The following RBFOX1 variants were observed in gnomAD, a reference collection of about 807,000 sequenced individuals.
RBFOX1 encodes RNA binding fox-1 homolog 1.
RBFOX1 carries 8 observed loss-of-function variants against 57.7 expected under a neutral mutation model. The observed-to-expected ratio is 0.14, with a 90% CI of 0.08 to 0.25. RBFOX1 has a LOEUF of 0.25. Ranked by LOEUF, RBFOX1 falls within the 10% of genes least tolerant of loss-of-function variation. The pLI, the probability that RBFOX1 is intolerant of heterozygous loss-of-function variation, is 1.00. For missense variants in RBFOX1, 611 were observed against 548.5 expected, an observed-to-expected ratio of 1.11 and a Z score of -1.14; for synonymous variants, 326 against 222.4, an observed-to-expected ratio of 1.47 and a Z score of -4.15.
intron 4 of RBFOX1, among the ~76,000 whole-genome samples, chr16:5,869,157 G>A (rs769417291): frequency 6.6e-6 from 1 of 152,028 alleles, no homozygotes; most frequent in Non-Finnish European, 1.5e-5. Flanking sequence ...TTATGGCCTG[G>A]TAAACAGTGG....
At chr16:5,546,465 G>T (rs185396697) in intron 2 of RBFOX1, among the ~76,000 whole-genome samples, 14 of 152,300 alleles carry the variant, frequency 9.2e-5, no homozygotes, top group East Asian at 1.9e-4. Context: ...TTGACATCAA[G>T]GTAGATACTT....
At chr16:5,242,865 T>C (rs1352504112) in intron 1 of RBFOX1, among the ~76,000 whole-genome samples, 2 of 151,964 alleles carry the variant, frequency 1.3e-5, no homozygotes, top group Non-Finnish European at 2.9e-5. Flanking sequence ...TGTGGTTGGG[T>C]GGCAAGGGGT....
intron 3 of RBFOX1, among the ~76,000 whole-genome samples, chr16:6,997,134 C>A (rs1020310104): frequency 6.6e-6 from 1 of 152,158 alleles, no homozygotes; most frequent in Admixed American, 6.5e-5. Context: ...TTACAACTCT[C>A]AATAGTTGTC....
intron 3 of RBFOX1, among the ~76,000 whole-genome samples, chr16:6,937,813 A>C (rs999343289): frequency 6.6e-6 from 1 of 151,780 alleles, no homozygotes; most frequent in East Asian, 1.9e-4. Context: ...TTAGATTGCA[A>C]ATGTTTCTTT....
chr16:5,918,778 G>C (rs1040444600), intron 4 of RBFOX1, among the ~76,000 whole-genome samples: 3 of 152,216 alleles, frequency 2.0e-5, no homozygotes, highest in Non-Finnish European at 2.9e-5. Flanking sequence ...ACAGTCAAGG[G>C]AGGAGCGACT....
chr16:6,953,219 G>C (rs746800678), intron 3 of RBFOX1, among the ~76,000 whole-genome samples: 6 of 152,062 alleles, frequency 3.9e-5, no homozygotes, highest in Non-Finnish European at 7.3e-5. Flanking sequence ...GGTGCTCTCA[G>C]ACCTGTTACC....
chr16:7,694,472 C>T (rs190212788), intron 14 of RBFOX1, among the ~76,000 whole-genome samples: 3 of 152,336 alleles, frequency 2.0e-5, no homozygotes, highest in Admixed American at 2.0e-4. Flanking sequence ...TTTATATGGT[C>T]AGCCTCAACC....
chr16:6,456,725 G>A (rs548412887), intron 2 of RBFOX1, among the ~76,000 whole-genome samples: 1 of 152,268 alleles, frequency 6.6e-6, no homozygotes, highest in East Asian at 1.9e-4. Flanking sequence ...TGGGAATGAA[G>A]ACAACTGAAT....
intron 2 of RBFOX1, among the ~76,000 whole-genome samples, chr16:5,561,237 T>C (rs1313415929): frequency 6.6e-6 from 1 of 152,000 alleles, no homozygotes; most frequent in African/African-American, 2.4e-5. Flanking sequence ...CAGACTCTAT[T>C]ATGGCCCATG....
intron 1 of RBFOX1, among the ~76,000 whole-genome samples, chr16:6,256,089 A>G (rs141929282): frequency 0.015 from 2,173 of 146,168 alleles, 35 homozygotes; most frequent in Non-Finnish European, 0.025. Flanking sequence ...AAATGAAAGT[A>G]GGATCATTTC....
At chr16:7,456,478 C>G (rs2058534085) in intron 4 of RBFOX1, among the ~76,000 whole-genome samples, 1 of 152,228 alleles carries the variant, frequency 6.6e-6, no homozygotes, top group African/African-American at 2.4e-5. Context: ...ACGTGCCTCT[C>G]CAACTCCCAG....
At chr16:5,975,632 G>C (rs1178080719) in intron 4 of RBFOX1, among the ~76,000 whole-genome samples, 1 of 152,104 alleles carries the variant, frequency 6.6e-6, no homozygotes, top group African/African-American at 2.4e-5. Flanking sequence ...TCTGTGATCA[G>C]TTCTGGAGTA....
At chr16:6,865,708 A>G (rs1459729190) in intron 3 of RBFOX1, among the ~76,000 whole-genome samples, 1 of 152,054 alleles carries the variant, frequency 6.6e-6, no homozygotes, top group Non-Finnish European at 1.5e-5. Flanking sequence ...TTACCTTCTC[A>G]TTTTGCCTCT....
At chr16:5,353,046 G>A (rs2065298984) in intron 1 of RBFOX1, among the ~76,000 whole-genome samples, 1 of 152,196 alleles carries the variant, frequency 6.6e-6, no homozygotes, top group Non-Finnish European at 1.5e-5. Context: ...GTTGAGAGAT[G>A]AAACGTTGCA....
At chr16:6,741,737 T>C (rs1484164842) in intron 3 of RBFOX1, among the ~76,000 whole-genome samples, 1 of 151,796 alleles carries the variant, frequency 6.6e-6, no homozygotes, top group African/African-American at 2.4e-5. Context: ...AGAAAAGCTA[T>C]AATGTGGAAG....
chr16:6,179,244 C>T (rs1209443808), intron 1 of RBFOX1, among the ~76,000 whole-genome samples: 1 of 152,066 alleles, frequency 6.6e-6, no homozygotes, highest in African/African-American at 2.4e-5. Flanking sequence ...GCCGAGGGTC[C>T]CAGGCTCTGT....
intron 2 of RBFOX1, chr16:5,467,277 C>A: frequency 6.8e-7 from 1 of 1,473,892 alleles, no homozygotes; most frequent in Middle Eastern, 1.7e-4. Flanking sequence ...TTTGTCCTGA[C>A]TTAGGATGTC....
At chr16:7,168,817 A>G (rs2080097449) in intron 4 of RBFOX1, among the ~76,000 whole-genome samples, 1 of 152,208 alleles carries the variant, frequency 6.6e-6, no homozygotes, top group African/African-American at 2.4e-5. Flanking sequence ...ATTCTAATGA[A>G]TAATTCATGC....
intron 4 of RBFOX1, among the ~76,000 whole-genome samples, chr16:7,055,830 C>T (rs62014067): frequency 0.02 from 3,077 of 152,030 alleles, 45 homozygotes; most frequent in Non-Finnish European, 0.028. Context: ...CAGGGGTCCA[C>T]TCTGTTTGTC....
Sources: gnomAD v4.1 joint callset for allele counts (sites outside exome capture counted in the v4.1 genomes callset) on GRCh38, gnomAD v4.1.1 for gene constraint, MANE v1.5 for transcripts, NCBI Gene and HGNC (gene_info 2026-07-23, HGNC 2026-07-21) for gene names.